The following ICE2 variants were observed in gnomAD, a reference collection of about 807,000 sequenced individuals.
ICE2 encodes the protein little elongation complex subunit 2.
In ICE2, 87 loss-of-function variants were observed where a neutral mutation model predicts 105.4. The observed-to-expected ratio is 0.83, with a 90% CI of 0.69 to 0.99. The LOEUF is 0.99. Among genes scored for constraint, ICE2 ranks in the 50% least tolerant of loss-of-function variants. ICE2 has a pLI of 0.00. For synonymous variants in ICE2, 399 were observed against 392.0 expected (o/e 1.02, Z -0.21); for missense variants, 1,323 against 1,146.7 (o/e 1.15, Z -2.22).
Position 60,432,977 on chromosome 15 carries a change from C to T in ICE2, c.2511-993G>A, listed in dbSNP as rs534577497. Among the ~76,000 whole-genome samples, 7 of 152,234 alleles carry T rather than the reference C, an allele frequency of 4.6e-5. 1 individual carries two copies. Among genetic ancestry groups the T allele is most frequent in the East Asian group, 1.9e-4 (1 of 5,174 alleles). On this transcript the variant is annotated intron_variant, in intron 13 of 15. Coordinates refer to ENST00000261520, the MANE Select transcript of ICE2 (RefSeq NM_024611.6). ...CTAATATGCCGAAGAGTTTGTCTTT[C>T]AGAGATGGTGGTGAATGAGCTTCCA...
intron 4 of ICE2, among the ~76,000 whole-genome samples, chr15:60,467,127 A>C (rs1269174315): frequency 6.6e-6 from 1 of 152,016 alleles, no homozygotes; most frequent in Non-Finnish European, 1.5e-5. Context: ...TCACCTGGCT[A>C]ATTTTTTGTA....
chr15:60,441,723 T>A (rs1306430152), intron 12 of ICE2: 1 of 152,202 alleles, frequency 6.6e-6, no homozygotes, highest in African/African-American at 2.4e-5. Context: ...GAGGAAATAC[T>A]ACCAATAATG....
At chr15:60,464,287 C>T (rs952458624) in intron 5 of ICE2, among the ~76,000 whole-genome samples, 1 of 152,142 alleles carries the variant, frequency 6.6e-6, no homozygotes, top group Non-Finnish European at 1.5e-5. Context: ...ACATTGAGCA[C>T]CTGAGCACTT....
intron 12 of ICE2, 50 bp from the exon 13 acceptor site, chr15:60,436,277 A>T: frequency 2.0e-6 from 1 of 501,828 alleles, no homozygotes; most frequent in Non-Finnish European, 3.3e-6. Flanking sequence ...CAGTATTTAG[A>T]AAAAAAAAAA....
intron 3 of ICE2, among the ~76,000 whole-genome samples, chr15:60,468,892 A>G (rs1460748317): frequency 6.6e-6 from 1 of 152,206 alleles, no homozygotes; most frequent in Non-Finnish European, 1.5e-5. Flanking sequence ...ACAATCCTCT[A>G]TCACTCTGGT....
At chr15:60,427,231 T>C (rs1412064188) in intron 15 of ICE2, among the ~76,000 whole-genome samples, 1 of 152,186 alleles carries the variant, frequency 6.6e-6, no homozygotes, top group Non-Finnish European at 1.5e-5. Context: ...ATTTACAGAT[T>C]AATTCAGTAT....
chr15:60,454,071 T>C (rs529036902), intron 8 of ICE2, among the ~76,000 whole-genome samples: 22 of 152,330 alleles, frequency 1.4e-4, no homozygotes, highest in East Asian at 7.7e-4. Flanking sequence ...CAGTTTCTTA[T>C]AGGAACTTGC....
chr15:60,423,613 T>C lies in ICE2; in HGVS notation c.*21A>G, dbSNP rs1342885091. On this transcript the variant is annotated 3_prime_UTR_variant, in exon 16 of 16. Transcript: ENST00000261520. ...ACTGTTATAACTGTTTTTTTAAATT[T>C]AGTTTTCCATGGTACAGTCCTCAAG... The C allele has an allele frequency of 1.9e-6, 3 of 1,584,890 alleles. No homozygotes were observed. The highest frequency in any genetic ancestry group is 1.7e-6 in the Non-Finnish European group (2 of 1,169,304).
chr15:60,442,815 G>A (rs2063747067), intron 11 of ICE2: 1 of 236,194 alleles, frequency 4.2e-6, no homozygotes, highest in Admixed American at 5.7e-5. Context: ...ACATAGGCAA[G>A]GTTTGATTTT....
chr15:60,442,190 G>C (rs73418088), intron 12 of ICE2: 404 of 374,778 alleles, frequency 1.1e-3, no homozygotes, highest in African/African-American at 7.9e-3. Flanking sequence ...CTACTTGGAA[G>C]GCTGCAGTGG....
intron 5 of ICE2, among the ~76,000 whole-genome samples, chr15:60,459,180 T>C (rs1196206072): frequency 2.0e-5 from 3 of 152,182 alleles, no homozygotes; most frequent in African/African-American, 7.2e-5. Flanking sequence ...CCAGAACTAA[T>C]GGAGGCTATA....
At position 60,421,935 on chromosome 15, in the gene ICE2, C is replaced by A. The variant is rs981089829; in HGVS notation, c.*1699G>T. ...GGTAGTTGAATATAAGTATTTTCAA[C>A]TGTTACAATACTTGAGGAGATTTTT... On this transcript the variant is annotated 3_prime_UTR_variant, in exon 16 of 16. Coordinates refer to ENST00000261520, the MANE Select transcript of ICE2 (RefSeq NM_024611.6). 6.6e-6 allele frequency: 1 copy of A among 151,982 alleles called. No individual in the cohort carries two copies. The highest frequency in any genetic ancestry group is 1.5e-5 in the Non-Finnish European group (1 of 68,004). The allele number at this position is 151,982 out of a possible 1,614,324, so 9.4% of individuals were successfully genotyped here.
At chr15:60,445,614 A>C (rs950921028) in intron 11 of ICE2, 9 of 974,618 alleles carry the variant, frequency 9.2e-6, no homozygotes, top group Non-Finnish European at 1.1e-5. Flanking sequence ...ATTTTGATGA[A>C]GAATGAATTT....
Position 60,476,093 on chromosome 15 carries a change from C to G in ICE2, c.116G>C (p.Ser39Thr). The G allele has an allele frequency of 6.2e-7, 1 of 1,605,372 alleles. No homozygotes were observed. Among genetic ancestry groups the G allele is most frequent in the Non-Finnish European group, 8.5e-7 (1 of 1,176,566 alleles). ...GGATAAAACACGTAGTTCTTTTAAA[C>G]TTGGAGCCATGGAATGATCTTTATA... ...ENYKDHSMAP[S>T]LKELRVLSNR... is the part of the protein sequence containing the mutation. The change falls in exon 3 of 16, where the codon AGT becomes ACT. Residue 39 changes from serine to threonine, a missense_variant. Coordinates refer to ENST00000261520, the MANE Select transcript of ICE2 (RefSeq NM_024611.6).
At chr15:60,443,930 C>CA (rs771324836) in intron 11 of ICE2, among the ~76,000 whole-genome samples, 1 of 147,588 alleles carries the variant, frequency 6.8e-6, no homozygotes, top group Non-Finnish European at 1.5e-5. Context: ...CCTGCCTCTA[C>CA]AAAAAATTAA....
chr15:60,431,852 A>G (rs928471968), intron 14 of ICE2, 82 bp downstream of exon 14: 39 of 756,764 alleles, frequency 5.2e-5, no homozygotes, highest in Admixed American at 3.8e-4. Context: ...CTCTATTCCT[A>G]ACAGTACATT....
chr15:60,425,565 G>C (rs2063323291), intron 15 of ICE2, among the ~76,000 whole-genome samples: 1 of 152,202 alleles, frequency 6.6e-6, no homozygotes, highest in Admixed American at 6.5e-5. Context: ...ATCTCTACTT[G>C]ATGCAGTAGG....
intron 12 of ICE2, among the ~76,000 whole-genome samples, chr15:60,436,978 T>A (rs1307043910): frequency 6.6e-6 from 1 of 151,986 alleles, no homozygotes; most frequent in African/African-American, 2.4e-5. Flanking sequence ...TTAGACTGGG[T>A]GTGGTGGCTC....
intron 9 of ICE2, chr15:60,452,417 C>T (rs2063987301): frequency 4.0e-6 from 1 of 247,872 alleles, no homozygotes; most frequent in African/African-American, 2.3e-5. Flanking sequence ...AAAATGACCC[C>T]TTCCCCACCC....
Sources: allele counts gnomAD v4.1 joint callset (sites outside exome capture counted in the v4.1 genomes callset), GRCh38; gene constraint gnomAD v4.1.1; transcripts MANE v1.5; gene names NCBI Gene and HGNC (gene_info 2026-07-23, HGNC 2026-07-21).